Variants in CA10 observed in about 807,000 individuals in gnomAD.
CA10 encodes carbonic anhydrase 10 (inactive).
CA10 carries 14 observed loss-of-function variants against 44.2 expected under a neutral mutation model. The observed-to-expected ratio is 0.32, with a 90% confidence interval of 0.21 to 0.50. The LOEUF is 0.50. Among genes scored for constraint, CA10 ranks in the 20% least tolerant of loss-of-function variants. The probability of loss-of-function intolerance (pLI) is 0.99; values close to 1 mark genes in which losing one functional copy is unlikely to be tolerated. For missense variants in CA10, 350 were observed against 409.7 expected (o/e 0.85, Z 1.26); for synonymous variants, 159 against 141.6 (o/e 1.12, Z -0.87).
intron 3 of CA10, among the ~76,000 whole-genome samples, chr17:51,850,535 T>G (rs1978748393): frequency 6.6e-6 from 1 of 152,174 alleles, no homozygotes; most frequent in African/African-American, 2.4e-5. Flanking sequence ...CTAAGCACAT[T>G]ACATTCATTC....
intron 1 of CA10, among the ~76,000 whole-genome samples, chr17:52,118,026 G>A (rs1432713867): frequency 6.6e-6 from 1 of 152,126 alleles, no homozygotes; most frequent in Non-Finnish European, 1.5e-5. Context: ...AGCACAACAA[G>A]GTTTTCTTAA....
intron 3 of CA10, among the ~76,000 whole-genome samples, chr17:51,879,011 TTTAGA>T (rs1301548922): frequency 8.0e-5 from 12 of 150,486 alleles, no homozygotes; most frequent in Non-Finnish European, 1.3e-4. Context: ...CTTTTGGCAT[TTTAGA>T]TTATTGTTTT....
intron 2 of CA10, among the ~76,000 whole-genome samples, chr17:51,943,565 A>G (rs1301741138): frequency 1.3e-5 from 2 of 152,206 alleles, no homozygotes; most frequent in Non-Finnish European, 1.5e-5. Context: ...AGTTCCACCA[A>G]CAAGCCTTTG....
chr17:51,771,934 G>A (rs948931167), intron 3 of CA10, among the ~76,000 whole-genome samples: 1 of 152,140 alleles, frequency 6.6e-6, no homozygotes, highest in Non-Finnish European at 1.5e-5. Flanking sequence ...CATCTCACAG[G>A]TGAGGACAAA....
At chr17:51,956,902 C>G (rs1409942491) in intron 2 of CA10, among the ~76,000 whole-genome samples, 1 of 152,088 alleles carries the variant, frequency 6.6e-6, no homozygotes, top group Non-Finnish European at 1.5e-5. Flanking sequence ...CTGCCAAGCT[C>G]TTCCCAGTCT....
intron 4 of CA10, among the ~76,000 whole-genome samples, chr17:51,655,059 CTG>C (rs936846188): frequency 1.3e-5 from 2 of 151,992 alleles, no homozygotes; most frequent in African/African-American, 4.8e-5. Context: ...TCCACAGTAA[CTG>C]TTAAAAAAAC....
chr17:51,866,496 C>T (rs1432494099), intron 3 of CA10, among the ~76,000 whole-genome samples: 4 of 152,216 alleles, frequency 2.6e-5, no homozygotes, highest in Non-Finnish European at 5.9e-5. Context: ...TCCAGTGACT[C>T]CTCAGCCATG....
chr17:52,008,248 C>T (rs144341606), intron 2 of CA10, among the ~76,000 whole-genome samples: 4 of 151,508 alleles, frequency 2.6e-5, no homozygotes, highest in East Asian at 2.0e-4. Flanking sequence ...CAAAGAAAGT[C>T]GATAAAATCA....
chr17:51,755,845 C>T (rs957000880), intron 3 of CA10, among the ~76,000 whole-genome samples: 1 of 152,114 alleles, frequency 6.6e-6, no homozygotes, highest in Non-Finnish European at 1.5e-5. Flanking sequence ...ATGACCCAAG[C>T]TCATGCTCTT....
At chr17:51,976,646 A>G (rs1598149008) in intron 2 of CA10, among the ~76,000 whole-genome samples, 1 of 152,172 alleles carries the variant, frequency 6.6e-6, no homozygotes, top group Non-Finnish European at 1.5e-5. Flanking sequence ...CTACATTAGA[A>G]AGGAAAATAA....
chr17:51,843,654 C>T (rs976279416), intron 3 of CA10, among the ~76,000 whole-genome samples: 4 of 151,352 alleles, frequency 2.6e-5, no homozygotes, highest in Admixed American at 6.6e-5. Context: ...TATATGCCAA[C>T]CTTTCCCTAC....
intron 2 of CA10, among the ~76,000 whole-genome samples, chr17:52,048,342 G>A (rs148165536): frequency 6.6e-6 from 1 of 152,150 alleles, no homozygotes; most frequent in East Asian, 1.9e-4. Flanking sequence ...GCAGCTGAGA[G>A]CGATTTCTTG....
chr17:51,841,683 G>T (rs1003540315), intron 3 of CA10, among the ~76,000 whole-genome samples: 4 of 152,222 alleles, frequency 2.6e-5, no homozygotes, highest in Non-Finnish European at 5.9e-5. Context: ...AGTATGGGTT[G>T]ATTTATTATT....
chr17:51,764,716 T>G (rs978810009), intron 3 of CA10, among the ~76,000 whole-genome samples: 60 of 152,130 alleles, frequency 3.9e-4, no homozygotes, highest in African/African-American at 1.4e-3. Context: ...CTGAGGATGC[T>G]CCTAGCATCT....
At chr17:51,902,351 T>A (rs1176839654) in intron 3 of CA10, among the ~76,000 whole-genome samples, 1 of 152,194 alleles carries the variant, frequency 6.6e-6, no homozygotes, top group African/African-American at 2.4e-5. Flanking sequence ...AGTGATAATG[T>A]AAAGAAATAA....
intron 3 of CA10, among the ~76,000 whole-genome samples, chr17:51,892,752 G>C (rs956363716): frequency 2.6e-5 from 4 of 152,210 alleles, no homozygotes; most frequent in Non-Finnish European, 5.9e-5. Flanking sequence ...TCTGATTCAG[G>C]TTCCTCCATT....
At chr17:52,101,977 G>A (rs1875675) in intron 1 of CA10, among the ~76,000 whole-genome samples, 53,763 of 151,086 alleles carry the variant, frequency 0.36, 11,529 homozygotes, top group Non-Finnish European at 0.49. Flanking sequence ...AAGAGTGATT[G>A]AGTCATTGTA....
In CA10 at chr17:51,810,529, A is replaced by G. The variant is rs182213905; in HGVS notation, c.280-62711T>C. 5.9e-5 allele frequency among the ~76,000 whole-genome samples: 9 copies of G among 152,228 alleles called. No homozygotes were observed. The East Asian group carries it at 7.7e-4, about 13-fold the overall frequency. Reference sequence around the variant, plus strand: ...GGGCATTCCAAGGCACAGGCAGACAATGGTGGTGAAACGTGCTATGCAGAG... The same window carrying G: ...GGGCATTCCAAGGCACAGGCAGACAGTGGTGGTGAAACGTGCTATGCAGAG... On this transcript the variant is annotated intron_variant, in intron 3 of 8. Coordinates refer to ENST00000451037, the MANE Select transcript of CA10 (RefSeq NM_020178.5).
intron 3 of CA10, among the ~76,000 whole-genome samples, chr17:51,867,641 A>G (rs1184041132): frequency 6.6e-6 from 1 of 152,142 alleles, no homozygotes; most frequent in African/African-American, 2.4e-5. Flanking sequence ...AAAACTATCT[A>G]TATTGTTTTC....
Sources: gnomAD v4.1 joint callset for allele counts (sites outside exome capture counted in the v4.1 genomes callset) on GRCh38, gnomAD v4.1.1 for gene constraint, MANE v1.5 for transcripts, NCBI Gene and HGNC (gene_info 2026-07-23, HGNC 2026-07-21) for gene names.